IL5RA: variants seen among roughly 807,000 people sequenced by gnomAD.
IL5RA encodes interleukin-5 receptor subunit alpha.
A neutral mutation model predicts 50.0 loss-of-function variants in IL5RA; 49 were observed. The ratio of observed to expected loss-of-function variants is 0.98; its 90% CI spans 0.78 to 1.24. The LOEUF is 1.24. Among genes scored for constraint, IL5RA ranks in the 50% most tolerant of loss-of-function variants. The pLI, the probability that IL5RA is intolerant of heterozygous loss-of-function variation, is 0.00. For synonymous variants in IL5RA, 202 were observed against 174.0 expected (o/e 1.16, Z -1.26); for missense variants, 600 against 500.4 (o/e 1.20, Z -1.90).
intron 9 of IL5RA, among the ~76,000 whole-genome samples, chr3:3,087,329 C>T (rs1052260212): frequency 6.6e-6 from 1 of 152,088 alleles, no homozygotes; most frequent in Non-Finnish European, 1.5e-5. Flanking sequence ...CTAACTATAC[C>T]CCCTCCCTGC....
At chr3:3,108,008 C>T (rs1458084831) in intron 2 of IL5RA, among the ~76,000 whole-genome samples, 1 of 152,004 alleles carries the variant, frequency 6.6e-6, no homozygotes, top group East Asian at 1.9e-4. Context: ...TTTTTAAAAC[C>T]TTTTTGAGTC....
At chr3:3,083,923 T>A (rs930113280) in intron 9 of IL5RA, among the ~76,000 whole-genome samples, 4 of 151,950 alleles carry the variant, frequency 2.6e-5, no homozygotes, top group African/African-American at 9.7e-5. Flanking sequence ...GTGGCATGAG[T>A]AATTCCAGCT....
intron 9 of IL5RA, among the ~76,000 whole-genome samples, chr3:3,090,425 A>C (rs1703038194): frequency 6.6e-6 from 1 of 152,190 alleles, no homozygotes; most frequent in South Asian, 2.1e-4. Flanking sequence ...CCCCAGGCTG[A>C]ATGGTTTATC....
chr3:3,076,703 T>A, intron 9 of IL5RA, 76 bp from the exon 10 acceptor site: 1 of 921,174 alleles, frequency 1.1e-6, no homozygotes, highest in Non-Finnish European at 1.7e-6. Context: ...ATGATGAGGC[T>A]TGGGTCATCA....
Position 3,066,760 on chromosome 3 carries a change from G to C in IL5RA, c.*3465C>G, listed in dbSNP as rs1006947505. 1 of 152,210 alleles carries C rather than the reference G, an allele frequency of 6.6e-6. No homozygotes were observed. The highest frequency in any genetic ancestry group is 2.4e-5 in the African/African-American group (1 of 41,434). The allele number at this position is 152,210 out of a possible 1,614,324, so 9.4% of individuals were successfully genotyped here. A position where few individuals can be genotyped will look rare whatever the true frequency, so the allele number is the denominator to read the frequency against. ...GATTCTTCCCCAGCCTGCATGAATAGCTTGAGGTCTGAGGCATTTCAATGA... is the reference window on the plus strand; with the variant it reads ...GATTCTTCCCCAGCCTGCATGAATACCTTGAGGTCTGAGGCATTTCAATGA... On this transcript the variant is annotated 3_prime_UTR_variant, in exon 12 of 12. Coordinates refer to ENST00000446632, the MANE Select transcript of IL5RA (RefSeq NM_175726.4).
intron 9 of IL5RA, among the ~76,000 whole-genome samples, chr3:3,091,484 C>T (rs1703098394): frequency 6.6e-6 from 1 of 152,158 alleles, no homozygotes. Flanking sequence ...GTAATCCCAG[C>T]ACTTTGGGAG....
intron 9 of IL5RA, among the ~76,000 whole-genome samples, chr3:3,080,872 C>A (rs17884958): frequency 1.3e-5 from 2 of 152,138 alleles, no homozygotes; most frequent in South Asian, 2.1e-4. Flanking sequence ...TTTTTAAAAT[C>A]TTTTGTAGAG....
At chr3:3,070,575 CTT>C (rs71058670) in intron 11 of IL5RA, among the ~76,000 whole-genome samples, 5 of 84,918 alleles carry the variant, frequency 5.9e-5, no homozygotes, top group African/African-American at 1.1e-4. Flanking sequence ...GGATACACAT[CTT>C]TTTTTTTTTT....
chr3:3,071,542 C>T (rs1702295217), intron 11 of IL5RA, among the ~76,000 whole-genome samples: 1 of 148,190 alleles, frequency 6.7e-6, no homozygotes, highest in South Asian at 2.1e-4. Flanking sequence ...GGCCAACTTT[C>T]TTCCTTCACA....
Position 3,090,529 on chromosome 3 carries a change from C to T in IL5RA, c.994+1695G>A, listed in dbSNP as rs555982151. Among the ~76,000 whole-genome samples, 193 of 150,920 alleles carry T rather than the reference C, an allele frequency of 1.3e-3. 1 individual carries two copies. The highest frequency in any genetic ancestry group is 3.4e-3 in the Middle Eastern group (1 of 290). On this transcript the variant is annotated intron_variant, in intron 9 of 11. Transcript: ENST00000446632. ...CCGGAAACACCTGGATAATAGCAAA[C>T]ACAGGGTTTGAATTTTCTTTTTTTT... is the stretch of plus-strand genomic sequence containing the variant.
In IL5RA at chr3:3,069,101, T is replaced by A. The variant is rs148667252; in HGVS notation, c.*1124A>T. 6.6e-6 allele frequency: 1 copy of A among 152,368 alleles called. No homozygotes were observed. Among genetic ancestry groups the A allele is most frequent in the African/African-American group, 2.4e-5 (1 of 41,562 alleles). 9.4% of individuals were successfully genotyped at this position (152,368 alleles called of 1,614,324 possible). On this transcript the variant is annotated 3_prime_UTR_variant, in exon 12 of 12. Transcript: ENST00000446632. ...ATTCTGGGCACTGTTACCTCCTTTC[T>A]AGGCCTTCAGCTTCTTGACCAAGGG...
At chr3:3,094,230 T>G (rs1703256295) in intron 8 of IL5RA, among the ~76,000 whole-genome samples, 1 of 152,248 alleles carries the variant, frequency 6.6e-6, no homozygotes. Context: ...CTTTTAATCT[T>G]GCAAAACTGG....
chr3:3,090,382 C>A, intron 9 of IL5RA: 2 of 695,738 alleles, frequency 2.9e-6, no homozygotes, highest in South Asian at 3.7e-5. Context: ...CTCTTATAGA[C>A]CTAGTGCAAC....
chr3:3,094,154 T>C (rs1703252796), intron 8 of IL5RA, among the ~76,000 whole-genome samples: 2 of 152,292 alleles, frequency 1.3e-5, no homozygotes, highest in Non-Finnish European at 2.9e-5. Context: ...ATCTTAATCC[T>C]TTTTAAGTGT....
rs1376619818 is a variant in IL5RA at position 3,067,712 on chromosome 3, G to A, written c.*2513C>T. On this transcript the variant is annotated 3_prime_UTR_variant, in exon 12 of 12. Coordinates refer to ENST00000446632, the MANE Select transcript of IL5RA (RefSeq NM_175726.4). ...TTCCCAATCCACCAAGGAGGCCAAT[G>A]GGCTACTTTGTGTTGCTCCTGAAAC... 1 of 152,296 alleles carries A rather than the reference G, an allele frequency of 6.6e-6. No individual in the cohort carries two copies. Among genetic ancestry groups the A allele is most frequent in the African/African-American group, 2.4e-5 (1 of 41,462 alleles). The allele number at this position is 152,296 out of a possible 1,614,324, so 9.4% of individuals were successfully genotyped here.
At chr3:3,076,246 G>A (rs1309215245) in intron 10 of IL5RA, among the ~76,000 whole-genome samples, 3 of 152,270 alleles carry the variant, frequency 2.0e-5, no homozygotes, top group East Asian at 3.9e-4. Flanking sequence ...AAAGAAACCC[G>A]CAAGTAGAAA....
intron 10 of IL5RA, among the ~76,000 whole-genome samples, chr3:3,075,203 C>CT (rs10642608): frequency 0.48 from 34,114 of 70,432 alleles, 7,120 homozygotes; most frequent in East Asian, 0.62. Context: ...AGTTTACTTA[C>CT]TTTTTTTTTT....
At position 3,095,471 on chromosome 3, in the gene IL5RA, AT is replaced by A. The variant is rs11389765; in HGVS notation, c.710-28del. 758 of 1,295,406 alleles carry A rather than the reference AT, an allele frequency of 5.9e-4. 2 individuals are homozygous for A. Among genetic ancestry groups the A allele is most frequent in the South Asian group, 1.1e-3 (71 of 66,294 alleles). The allele number at this position is 1,295,406 out of a possible 1,614,324, so 80.2% of individuals were successfully genotyped here. A position where few individuals can be genotyped will look rare whatever the true frequency, so the allele number is the denominator to read the frequency against. On this transcript the variant is annotated intron_variant, in intron 7 of 11. Coordinates refer to ENST00000446632, the MANE Select transcript of IL5RA (RefSeq NM_175726.4). ...TAAGTTAGGGAACGAAAGATCAGTG[AT>A]TTTTTTTTTAGAATCAGTGATCAAA...
At chr3:3,101,914 T>A in intron 4 of IL5RA, 84 bp from the exon 5 acceptor site, 1 of 1,252,766 alleles carries the variant, frequency 8.0e-7, no homozygotes. Context: ...CATTTTCTTC[T>A]ACTTTTTAAA....
Sources: gnomAD v4.1 joint callset for allele counts (sites outside exome capture counted in the v4.1 genomes callset) on GRCh38, gnomAD v4.1.1 for gene constraint, MANE v1.5 for transcripts, NCBI Gene and HGNC (gene_info 2026-07-23, HGNC 2026-07-21) for gene names.